Variants in ANO3 observed in about 807,000 individuals in gnomAD.
ANO3 encodes anoctamin-3.
In ANO3, 99 loss-of-function variants were observed where a neutral mutation model predicts 144.8. The ratio of observed to expected loss-of-function variants is 0.68; its 90% CI spans 0.58 to 0.81. ANO3 has a LOEUF of 0.81. Ranked by LOEUF, ANO3 falls within the 30% of genes least tolerant of loss-of-function variation. ANO3 has a pLI of 0.00. For synonymous variants in ANO3, 414 were observed against 392.6 expected (o/e 1.05, Z -0.64); for missense variants, 905 against 1,202.2 (o/e 0.75, Z 3.66).
chr11:26,333,146 G>C (rs1306097694), intron 1 of ANO3, among the ~76,000 whole-genome samples: 1 of 152,136 alleles, frequency 6.6e-6, no homozygotes, highest in African/African-American at 2.4e-5. Context: ...GTTAACCATA[G>C]AGTGCCTTAG....
At chr11:26,639,563 T>C (rs1853078828) in intron 21 of ANO3, among the ~76,000 whole-genome samples, 1 of 152,202 alleles carries the variant, frequency 6.6e-6, no homozygotes, top group South Asian at 2.1e-4. Context: ...ATTGTATATA[T>C]AAAAATAATT....
At chr11:26,477,833 A>C (rs1217963199) in intron 4 of ANO3, among the ~76,000 whole-genome samples, 1 of 152,168 alleles carries the variant, frequency 6.6e-6, no homozygotes, top group Non-Finnish European at 1.5e-5. Context: ...AAAATGGGCA[A>C]AATTTTTTGA....
intron 5 of ANO3, among the ~76,000 whole-genome samples, chr11:26,516,176 T>A (rs1861856060): frequency 6.6e-6 from 1 of 151,814 alleles, no homozygotes. Flanking sequence ...TTGTAAAAGC[T>A]CTTTACATAA....
At chr11:26,245,550 A>G (rs1564932037) in intron 1 of ANO3, among the ~76,000 whole-genome samples, 1 of 152,088 alleles carries the variant, frequency 6.6e-6, no homozygotes, top group Non-Finnish European at 1.5e-5. Flanking sequence ...GAACTAATGG[A>G]TTTTTTCCTT....
intron 13 of ANO3, among the ~76,000 whole-genome samples, chr11:26,555,362 G>A (rs113896113): frequency 7.8e-4 from 119 of 152,190 alleles, no homozygotes; most frequent in African/African-American, 2.7e-3. Context: ...CTTTCACTTG[G>A]ACATATCTAA....
chr11:26,562,726 A>G (rs1041425698), intron 14 of ANO3, among the ~76,000 whole-genome samples: 21 of 152,008 alleles, frequency 1.4e-4, no homozygotes, highest in African/African-American at 4.6e-4. Context: ...ATTAGAATCA[A>G]TCTTTGTTCA....
intron 1 of ANO3, among the ~76,000 whole-genome samples, chr11:26,298,027 T>C (rs1854133307): frequency 6.6e-6 from 1 of 152,174 alleles, no homozygotes; most frequent in Non-Finnish European, 1.5e-5. Context: ...CTTGAACATG[T>C]TGGGATTTCA....
At chr11:26,369,385 C>A (rs1485204081) in intron 1 of ANO3, among the ~76,000 whole-genome samples, 1 of 152,024 alleles carries the variant, frequency 6.6e-6, no homozygotes, top group Non-Finnish European at 1.5e-5. Context: ...CTCTTTCTCA[C>A]CTCCTCCTCC....
intron 1 of ANO3, among the ~76,000 whole-genome samples, chr11:26,190,984 T>A (rs1367565536): frequency 6.6e-6 from 1 of 152,224 alleles, no homozygotes; most frequent in Non-Finnish European, 1.5e-5. Flanking sequence ...TTAATATCTA[T>A]CTTCTCTACC....
rs565802536 is a variant in ANO3, at chr11:26,316,842, G to A, written c.-3+7123G>A. On this transcript the variant is annotated intron_variant, in intron 1 of 26. Coordinates refer to the ANO3 transcript ENST00000525139. ...ATGTCCGTTCATAGGCTCTCTGCAG[G>A]GGGAAGCACATCACGCAGTGTTGGC... 5.9e-5 allele frequency among the ~76,000 whole-genome samples: 9 copies of A among 152,280 alleles called. No homozygotes were observed. In the South Asian group the frequency reaches 1.2e-3, roughly 21 times the overall value.
intron 1 of ANO3, among the ~76,000 whole-genome samples, chr11:26,265,838 G>A (rs536734304): frequency 6.6e-6 from 1 of 152,214 alleles, no homozygotes; most frequent in South Asian, 2.1e-4. Context: ...CAAAATGCAC[G>A]ACAAAGTATA....
intron 14 of ANO3, among the ~76,000 whole-genome samples, chr11:26,568,472 G>GTTT (rs35237782): frequency 2.0e-5 from 3 of 150,410 alleles, no homozygotes; most frequent in African/African-American, 4.9e-5. Flanking sequence ...TCCTACCATA[G>GTTT]TTTTTTTTTT....
Position 26,295,431 on chromosome 11 carries a change from A to G in ANO3, c.155-14214A>G, listed in dbSNP as rs1854065730. ...TCCCAGCTACTCCGGAGGCTGAGGC[A>G]GAAGAATGGCGTGAACCCGGGAGGC... On this transcript the variant is annotated intron_variant, in intron 1 of 27. Transcript: ENST00000672621. Among the ~76,000 whole-genome samples the G allele has an allele frequency of 2.7e-5, 4 of 150,650 alleles. No individual in the cohort carries two copies. The South Asian group carries it at 8.4e-4, about 32-fold the overall frequency.
chr11:26,656,650 G>A (rs149357240), intron 26 of ANO3, among the ~76,000 whole-genome samples, 169 bp downstream of exon 26: 31 of 152,234 alleles, frequency 2.0e-4, no homozygotes, highest in African/African-American at 7.2e-4. Flanking sequence ...AAAAGCAAGA[G>A]CTGAATAATG....
At chr11:26,454,034 C>A (rs1174985801) in intron 3 of ANO3, among the ~76,000 whole-genome samples, 1 of 151,932 alleles carries the variant, frequency 6.6e-6, no homozygotes, top group Non-Finnish European at 1.5e-5. Context: ...CCAACGAGAA[C>A]AAAGACACAA....
intron 1 of ANO3, among the ~76,000 whole-genome samples, chr11:26,253,819 T>G (rs541465891): frequency 1.3e-5 from 2 of 152,244 alleles, no homozygotes; most frequent in Admixed American, 1.3e-4. Context: ...ATGGCAAATC[T>G]CTGTGTTAGA....
chr11:26,282,541 C>T (rs914012401), intron 1 of ANO3, among the ~76,000 whole-genome samples: 1 of 151,972 alleles, frequency 6.6e-6, no homozygotes, highest in African/African-American at 2.4e-5. Flanking sequence ...TTACTCCTTC[C>T]TGTAAAAGAT....
intron 6 of ANO3, among the ~76,000 whole-genome samples, chr11:26,525,406 T>C (rs1339406330): frequency 1.3e-5 from 2 of 152,002 alleles, no homozygotes; most frequent in Non-Finnish European, 2.9e-5. Flanking sequence ...TCAAAAGTGG[T>C]CTGTTGATTT....
chr11:26,621,037 A>G (rs1186431677), intron 17 of ANO3, among the ~76,000 whole-genome samples: 3 of 152,218 alleles, frequency 2.0e-5, no homozygotes, highest in Non-Finnish European at 2.9e-5. Context: ...CTTGGAGTTT[A>G]TTTTCACAGT....
Sources: allele counts gnomAD v4.1 joint callset (sites outside exome capture counted in the v4.1 genomes callset), GRCh38; gene constraint gnomAD v4.1.1; transcripts MANE v1.5; gene names NCBI Gene and HGNC (gene_info 2026-07-23, HGNC 2026-07-21).